The following OXR1 variants were observed in gnomAD, a reference collection of about 807,000 sequenced individuals.
OXR1 encodes the protein oxidation resistance 1.
In OXR1, 41 loss-of-function variants were observed where a neutral mutation model predicts 104.6. The ratio of observed to expected loss-of-function variants is 0.39; its 90% CI spans 0.31 to 0.51. The LOEUF (loss-of-function observed/expected upper bound fraction) is 0.51. Among genes scored for constraint, OXR1 ranks in the 20% least tolerant of loss-of-function variants. The pLI is 0.77. For synonymous variants in OXR1, 348 were observed against 348.4 expected, an observed-to-expected ratio of 1.00 and a Z score of 0.01; for missense variants, 955 against 1,031.9, an observed-to-expected ratio of 0.93 and a Z score of 1.02.
chr8:106,302,541 G>A lies in OXR1; in HGVS notation c.-139+32174G>A, dbSNP rs192125891. Among the ~76,000 whole-genome samples, 580 of 149,496 alleles carry A rather than the reference G, an allele frequency of 3.9e-3. 3 individuals are homozygous for A. Among genetic ancestry groups the A allele is most frequent in the African/African-American group, 0.013 (526 of 40,492 alleles). On this transcript the variant is annotated intron_variant, in intron 1 of 16. Coordinates refer to ENST00000517566, the MANE Select transcript of OXR1 (RefSeq NM_001198533.2). The stretch of plus-strand genomic sequence containing the variant: ...GCGGAGCTTGCAGTGAGCTTAGATC[G>A]CGCCAGTGCACTCCAGCCTGGGCGA...
intron 2 of OXR1, among the ~76,000 whole-genome samples, chr8:106,418,187 T>C (rs559766902): frequency 6.6e-6 from 1 of 152,300 alleles, no homozygotes; most frequent in East Asian, 1.9e-4. Context: ...AGCTGTGTTA[T>C]TGTCAAAGAA....
At chr8:106,471,066 C>A (rs936451871) in intron 2 of OXR1, among the ~76,000 whole-genome samples, 1 of 151,248 alleles carries the variant, frequency 6.6e-6, no homozygotes. Flanking sequence ...TGTTTTTTGG[C>A]AAAGGAGGCA....
intron 2 of OXR1, among the ~76,000 whole-genome samples, chr8:106,388,586 C>G (rs184999189): frequency 9.3e-4 from 141 of 152,246 alleles, no homozygotes; most frequent in African/African-American, 3.3e-3. Flanking sequence ...CCACACCTGG[C>G]TAATTTTTTG....
At chr8:106,683,461 GT>G (rs1359550640) in intron 5 of OXR1, among the ~76,000 whole-genome samples, 155 bp downstream of exon 5, 1 of 151,978 alleles carries the variant, frequency 6.6e-6, no homozygotes, top group Non-Finnish European at 1.5e-5. Context: ...AAAATTAACT[GT>G]TTTATGTCTG....
chr8:106,622,946 C>T (rs1821847094), intron 3 of OXR1, among the ~76,000 whole-genome samples: 1 of 152,172 alleles, frequency 6.6e-6, no homozygotes, highest in African/African-American at 2.4e-5. Context: ...ACCCTGTACC[C>T]TCAATAGGTA....
intron 2 of OXR1, among the ~76,000 whole-genome samples, chr8:106,506,452 A>T (rs1812169157): frequency 6.6e-6 from 1 of 152,074 alleles, no homozygotes; most frequent in African/African-American, 2.4e-5. Context: ...TCTCTACTAA[A>T]AATACAAAAA....
At position 106,737,584 on chromosome 8, in the gene OXR1, T is replaced by C. The variant is rs1434276947; in HGVS notation, c.2021T>C (p.Leu674Pro). The C allele has an allele frequency of 7.1e-7, 1 of 1,406,532 alleles. No homozygotes were observed. The allele number at this position is 1,406,532 out of a possible 1,614,324, so 87.1% of individuals were successfully genotyped here. Residue 674 changes from leucine to proline, a missense_variant, in exon 12 of 17, where the codon CTC (leucine) becomes CCC (proline). Leu to Pro is a moderately conservative substitution (Grantham distance 98, BLOSUM62 -3). This residue lies in a region of OXR1 where 849 missense variants were observed against 852.9 expected (regional missense o/e 1.00). Transcript: ENST00000517566. ...DALNTEELRT[L>P]CRRLQITTRE... is the part of the protein sequence containing the mutation. ...CTAAATACTGAAGAACTGCGCACACTCTGCAGACGCCTCCAGGTGCCCCCT... is the reference window on the plus strand; with the variant it reads ...CTAAATACTGAAGAACTGCGCACACCCTGCAGACGCCTCCAGGTGCCCCCT...
At chr8:106,303,335 G>T (rs1813336201) in intron 1 of OXR1, among the ~76,000 whole-genome samples, 1 of 138,354 alleles carries the variant, frequency 7.2e-6, no homozygotes, top group Non-Finnish European at 1.5e-5. Context: ...CTCACTGCAA[G>T]CTCCGCCTCC....
intron 2 of OXR1, among the ~76,000 whole-genome samples, chr8:106,393,930 G>C (rs976165677): frequency 2.6e-5 from 4 of 151,968 alleles, no homozygotes; most frequent in Non-Finnish European, 4.4e-5. Context: ...CAAGGAAAAG[G>C]TGATACTTCT....
At chr8:106,539,678 G>A (rs1814803973) in intron 3 of OXR1, among the ~76,000 whole-genome samples, 1 of 152,186 alleles carries the variant, frequency 6.6e-6, no homozygotes. Flanking sequence ...GAAGTATGTT[G>A]ATTTTAGCAG....
intron 3 of OXR1, among the ~76,000 whole-genome samples, chr8:106,531,391 T>A (rs919732518): frequency 6.6e-6 from 1 of 152,168 alleles, no homozygotes; most frequent in Non-Finnish European, 1.5e-5. Flanking sequence ...TTAACAGTAT[T>A]TGCCTCCCTG....
chr8:106,667,696 T>C (rs1826489005), intron 3 of OXR1, among the ~76,000 whole-genome samples: 1 of 152,198 alleles, frequency 6.6e-6, no homozygotes, highest in Non-Finnish European at 1.5e-5. Flanking sequence ...ACGAAATTAA[T>C]TTTTAAAATA....
chr8:106,743,125 A>G (rs1219241674), intron 15 of OXR1, among the ~76,000 whole-genome samples: 1 of 152,142 alleles, frequency 6.6e-6, no homozygotes, highest in East Asian at 1.9e-4. Flanking sequence ...AAAGTGGGCA[A>G]AGACACTTTT....
chr8:106,298,200 A>G (rs959713376), intron 1 of OXR1, among the ~76,000 whole-genome samples: 2 of 152,192 alleles, frequency 1.3e-5, no homozygotes, highest in African/African-American at 4.8e-5. Flanking sequence ...TATGCTGCTA[A>G]CAAAGACATA....
intron 3 of OXR1, among the ~76,000 whole-genome samples, chr8:106,627,773 T>C (rs1822296462): frequency 6.6e-6 from 1 of 152,156 alleles, no homozygotes; most frequent in South Asian, 2.1e-4. Flanking sequence ...ACTGGTGGGA[T>C]TCATAGTGGA....
At chr8:106,669,211 T>G (rs1455844857) in intron 3 of OXR1, among the ~76,000 whole-genome samples, 1 of 151,780 alleles carries the variant, frequency 6.6e-6, no homozygotes, top group Admixed American at 6.6e-5. Context: ...AAAAAAAAAG[T>G]GGAAAAGCCC....
At chr8:106,514,504 G>A (rs143358904) in intron 2 of OXR1, among the ~76,000 whole-genome samples, 1 of 152,186 alleles carries the variant, frequency 6.6e-6, no homozygotes, top group East Asian at 1.9e-4. Context: ...AGTCTTGGTT[G>A]GGAAGAGTGT....
At position 106,726,070 on chromosome 8, in the gene OXR1, G is replaced by A. The variant is rs1264446441; in HGVS notation, c.1957-11450G>A. 8.5e-6 allele frequency: 8 copies of A among 937,912 alleles called. No individual in the cohort carries two copies. The African/African-American group carries it at 1.4e-4, about 16-fold the overall frequency. 58.1% of individuals were successfully genotyped at this position (937,912 alleles called of 1,614,324 possible). A position where few individuals can be genotyped will look rare whatever the true frequency, so the allele number is the denominator to read the frequency against. ...TCCACTCAGGACTATCATTGCTATG[G>A]ATACTACTTAGTGATTAGCTCTCTC... is the stretch of plus-strand genomic sequence containing the variant. On this transcript the variant is annotated intron_variant, in intron 11 of 16. Transcript: ENST00000517566.
intron 2 of OXR1, among the ~76,000 whole-genome samples, chr8:106,488,661 C>T (rs2129827214): frequency 6.8e-6 from 1 of 147,686 alleles, no homozygotes; most frequent in South Asian, 2.2e-4. Context: ...GTTTTCCCAG[C>T]ACCATTTATT....
Sources: allele counts gnomAD v4.1 joint callset (sites outside exome capture counted in the v4.1 genomes callset), GRCh38; gene constraint gnomAD v4.1.1; regional missense constraint gnomAD v4.1.1; transcripts MANE v1.5; gene names NCBI Gene and HGNC (gene_info 2026-07-23, HGNC 2026-07-21).